Variants in ZC3H12B observed in about 807,000 individuals in gnomAD.
ZC3H12B encodes zinc finger CCCH-type containing 12B.
A neutral mutation model predicts 43.9 loss-of-function variants in ZC3H12B; 7 were observed. The ratio of observed to expected loss-of-function variants is 0.16; its 90% CI spans 0.09 to 0.30. ZC3H12B has a LOEUF of 0.30. Ranked by LOEUF, ZC3H12B falls within the 10% of genes least tolerant of loss-of-function variation. The probability of loss-of-function intolerance (pLI) is 1.00; values close to 1 mark genes in which losing one functional copy is unlikely to be tolerated. For missense variants in ZC3H12B, 475 were observed against 670.2 expected (o/e 0.71, Z 3.22); for synonymous variants, 222 against 241.7 (o/e 0.92, Z 0.76).
At chrX:65,127,461 T>G in the ZC3H12B span, among the ~76,000 whole-genome samples, 1 of 111,033 alleles carries the variant, frequency 9.0e-6, no homozygotes, top group South Asian at 3.9e-4. Flanking sequence ...CTTAGTGCAT[T>G]GGTTTTGTGT....
intron 3 of ZC3H12B, among the ~76,000 whole-genome samples, chrX:65,406,763 C>A (rs937949972): frequency 1.8e-5 from 2 of 111,084 alleles, no homozygotes; most frequent in Non-Finnish European, 3.8e-5. Flanking sequence ...GAAGCAGCGG[C>A]GGGTACTCTG....
chrX:65,128,885 G>T, the ZC3H12B span, among the ~76,000 whole-genome samples: 2 of 111,194 alleles, frequency 1.8e-5, no homozygotes, highest in Non-Finnish European at 3.8e-5. Context: ...ATTGGTTAAG[G>T]TTTGCTTGTT....
intron 3 of ZC3H12B, among the ~76,000 whole-genome samples, chrX:65,427,061 G>T (rs1236622478): frequency 9.0e-6 from 1 of 111,450 alleles, no homozygotes; most frequent in African/African-American, 3.3e-5. Flanking sequence ...TCAGTGGGGT[G>T]TTAAAGTCTT....
chrX:65,107,532 A>G, the ZC3H12B span, among the ~76,000 whole-genome samples: 1 of 110,671 alleles, frequency 9.0e-6, no homozygotes, highest in African/African-American at 3.3e-5. Flanking sequence ...TAGATGATAT[A>G]CCTCGATATG....
chrX:65,366,141 A>G (rs553732409), upstream of ZC3H12B, among the ~76,000 whole-genome samples: 3 of 108,888 alleles, frequency 2.8e-5, no homozygotes, highest in Middle Eastern at 4.7e-3. Flanking sequence ...TATCGCAGCA[A>G]TATATTTCTT....
intron 2 of ZC3H12B, among the ~76,000 whole-genome samples, chrX:65,381,553 C>T (rs2066440099): frequency 9.0e-6 from 1 of 110,979 alleles, no homozygotes; most frequent in Non-Finnish European, 1.9e-5. Flanking sequence ...ACTAGAAAAG[C>T]AAGAGCAAAC....
chrX:65,199,447 C>T, the ZC3H12B span, among the ~76,000 whole-genome samples: 44 of 110,432 alleles, frequency 4.0e-4, no homozygotes, highest in African/African-American at 1.4e-3. Flanking sequence ...TTTTTCTTCA[C>T]TTTTATATTA....
the ZC3H12B span, among the ~76,000 whole-genome samples, chrX:65,165,645 A>G: frequency 8.9e-6 from 1 of 112,682 alleles, no homozygotes; most frequent in Non-Finnish European, 1.9e-5. Flanking sequence ...TCATGGCTGC[A>G]TAGTAGTCCA....
intron 3 of ZC3H12B, among the ~76,000 whole-genome samples, chrX:65,478,912 A>G (rs2068029689): frequency 8.9e-6 from 1 of 112,205 alleles, no homozygotes; most frequent in African/African-American, 3.2e-5. Context: ...CTTTTCCTTT[A>G]AAGTTTTTTT....
chrX:65,120,261 G>C, the ZC3H12B span, among the ~76,000 whole-genome samples: 2 of 111,895 alleles, frequency 1.8e-5, no homozygotes, highest in African/African-American at 3.3e-5. Context: ...TCACGATATT[G>C]ATTCTTGCTA....
chrX:65,098,549 G>A, the ZC3H12B span, among the ~76,000 whole-genome samples: 3 of 109,602 alleles, frequency 2.7e-5, no homozygotes, highest in East Asian at 5.8e-4. Context: ...GACGTACCCT[G>A]TTCATCTCAT....
chrX:65,435,857 A>G (rs1393567643), intron 3 of ZC3H12B, among the ~76,000 whole-genome samples: 2 of 112,257 alleles, frequency 1.8e-5, no homozygotes, highest in African/African-American at 6.5e-5. Context: ...AGAAGAACCA[A>G]TGGTGTAACT....
the ZC3H12B span, among the ~76,000 whole-genome samples, chrX:65,097,104 G>T: frequency 8.9e-6 from 1 of 111,849 alleles, no homozygotes; most frequent in African/African-American, 3.3e-5. Context: ...AGCCTTTACT[G>T]GTTTGTTCCT....
the ZC3H12B span, among the ~76,000 whole-genome samples, chrX:65,262,455 A>G: frequency 9.0e-6 from 1 of 111,217 alleles, no homozygotes; most frequent in African/African-American, 3.3e-5. Flanking sequence ...TGAGCCTGCA[A>G]TGTTTGAAAT....
chrX:65,453,649 G>A (rs982486717), intron 3 of ZC3H12B, among the ~76,000 whole-genome samples: 10 of 107,661 alleles, frequency 9.3e-5, no homozygotes, highest in Non-Finnish European at 1.9e-4. Flanking sequence ...TTGAACACAG[G>A]AGGCAGAGGT....
chrX:65,485,616 A>G (rs1360227905), upstream of ZC3H12B, among the ~76,000 whole-genome samples: 4 of 111,852 alleles, frequency 3.6e-5, no homozygotes, highest in Non-Finnish European at 7.5e-5. Context: ...TTTCTCCCCA[A>G]TCACCTTCCT....
At chrX:65,227,194 A>C in the ZC3H12B span, among the ~76,000 whole-genome samples, 2 of 111,969 alleles carry the variant, frequency 1.8e-5, no homozygotes, top group Non-Finnish European at 3.8e-5. Flanking sequence ...CTCAGACCAC[A>C]GTGCAATCAA....
At chrX:65,093,140 C>T in the ZC3H12B span, among the ~76,000 whole-genome samples, 2 of 111,714 alleles carry the variant, frequency 1.8e-5, no homozygotes, top group African/African-American at 6.5e-5. Flanking sequence ...TTGTTGGTGG[C>T]TTTCATGTGA....
the ZC3H12B span, among the ~76,000 whole-genome samples, chrX:65,034,905 A>AG: frequency 1.4e-4 from 16 of 112,556 alleles, no homozygotes; most frequent in African/African-American, 2.6e-4. Flanking sequence ...CTCTGTGGCC[A>AG]GGGGGGCCCA....
Sources: allele counts gnomAD v4.1 joint callset (sites outside exome capture counted in the v4.1 genomes callset), GRCh38; gene constraint gnomAD v4.1.1; transcripts MANE v1.5; gene names NCBI Gene and HGNC (gene_info 2026-07-23, HGNC 2026-07-21).